The following SEC16A variants were observed in gnomAD, a reference collection of about 807,000 sequenced individuals.
SEC16A encodes protein transport protein Sec16A.
SEC16A carries 110 observed loss-of-function variants against 221.9 expected under a neutral mutation model. The observed-to-expected ratio is 0.50, with a 90% confidence interval of 0.42 to 0.58. SEC16A has a LOEUF of 0.58. Ranked by LOEUF, SEC16A falls within the 20% of genes least tolerant of loss-of-function variation. The pLI, the probability that SEC16A is intolerant of heterozygous loss-of-function variation, is 0.00. For synonymous variants in SEC16A, 1,393 were observed against 1,257.7 expected (o/e 1.11, Z -2.28); for missense variants, 3,165 against 3,097.8 (o/e 1.02, Z -0.52).
chr9:136,479,981 G>A lies in SEC16A; in HGVS notation c.-191-1151C>T, dbSNP rs942905483. Among the ~76,000 whole-genome samples, 18 of 150,758 alleles carry A rather than the reference G, an allele frequency of 1.2e-4. No individual in the cohort carries two copies. The East Asian group carries it at 2.0e-3, about 16-fold the overall frequency. ...CAAGCCACAACACTCCAGCCTGGGCGACAGAGTGAAACTGTCTCAAAAAAA... is the reference window on the plus strand; with the variant it reads ...CAAGCCACAACACTCCAGCCTGGGCAACAGAGTGAAACTGTCTCAAAAAAA... On this transcript the variant is annotated intron_variant, in intron 1 of 31. Transcript: ENST00000684901.
chr9:136,473,483 G>A (rs940416952), intron 3 of SEC16A, among the ~76,000 whole-genome samples: 15 of 152,254 alleles, frequency 9.9e-5, no homozygotes, highest in African/African-American at 1.7e-4. Flanking sequence ...TCTTCTGCAC[G>A]AGCACAGCCG....
chr9:136,466,002 A>G lies in SEC16A; in HGVS notation c.4263T>C (p.Tyr1421=), dbSNP rs1840097329. Reference sequence around the variant, plus strand: ...GCCAGACGGTGTCGGCAGGGTAGCCATACTCTGGGAAGCCGGGGCCACTGC... The same window carrying G: ...GCCAGACGGTGTCGGCAGGGTAGCCGTACTCTGGGAAGCCGGGGCCACTGC... ...NFSSGPGFPE[Y]GYPADTVWPA... The change falls in exon 8 of 32, where the codon TAT becomes TAC. Residue 1421 remains tyrosine (Y), a synonymous_variant. Coordinates refer to ENST00000684901, the MANE Select transcript of SEC16A (RefSeq NM_014866.2). The surrounding 1 kb of genome is among the most constrained non-coding windows in gnomAD (Gnocchi z 5.5). 2 of 1,613,562 alleles carry G rather than the reference A, an allele frequency of 1.2e-6. No homozygotes were observed. The highest frequency in any genetic ancestry group is 1.7e-6 in the Non-Finnish European group (2 of 1,179,878).
upstream of SEC16A, chr9:136,484,654 AG>A (rs1453538364): frequency 2.2e-6 from 3 of 1,365,698 alleles, no homozygotes; most frequent in African/African-American, 3.0e-5. Context: ...CTGGTGAGGG[AG>A]GGGGTGATAT....
intron 9 of SEC16A, 43 bp downstream of exon 9, chr9:136,464,375 CAG>C: frequency 6.4e-6 from 10 of 1,551,266 alleles, no homozygotes; most frequent in Non-Finnish European, 7.9e-6. Flanking sequence ...GAGAGTTCCC[CAG>C]GGCAGCAGAG....
chr9:136,476,775 C>G lies in SEC16A; in HGVS notation c.841G>C (p.Asp281His). The G allele has an allele frequency of 2.5e-6, 4 of 1,611,310 alleles. No homozygotes were observed. The highest frequency in any genetic ancestry group is 3.4e-6 in the Non-Finnish European group (4 of 1,178,112). The change falls in exon 3 of 32, where the codon GAC (aspartate) becomes CAC (histidine). Residue 281 changes from aspartate (D) to histidine (H), a missense_variant. By Grantham distance (81) the Asp-to-His change is moderately conservative. This residue lies in a region of SEC16A where 2,030 missense variants were observed against 1,923.1 expected (regional missense o/e 1.06). Transcript: ENST00000684901. ...CCACTTTGCAAGTGGCTCACCTCGT[C>G]TCTTCCGTCACTGGGCAAGGCTGCT... ...PPAALPSDGR[D>H]EVSHLQSGSH...
chr9:136,447,242 A>G lies in SEC16A; in HGVS notation c.6682T>C (p.Phe2228Leu), dbSNP rs761797624. The G allele has an allele frequency of 6.3e-7, 1 of 1,595,880 alleles. No homozygotes were observed. The highest frequency in any genetic ancestry group is 8.5e-7 in the Non-Finnish European group (1 of 1,172,074). ...LAPLPIPSNL[F>L]VPTPDAEEPQ... The stretch of plus-strand genomic sequence containing the variant: ...TGCTACCTACCTGGGGTTGGCACGA[A>G]CAAGTTAGAAGGAATTGGGAGTGGC... The change falls in exon 27 of 32, where the codon TTC (phenylalanine) becomes CTC (leucine). Residue 2228 changes from phenylalanine (F) to leucine (L), a missense_variant. Transcript: ENST00000684901. The surrounding 1 kb of genome is among the most constrained non-coding windows in gnomAD (Gnocchi z 5.5).
chr9:136,446,977 C>G, intron 27 of SEC16A, 28 bp from the exon 28 acceptor site: 1 of 1,613,416 alleles, frequency 6.2e-7, no homozygotes, highest in Non-Finnish European at 8.5e-7. Flanking sequence ...AGGAGGCCAT[C>G]ATTCCGTCCC....
chr9:136,441,920 A>C, intron 31 of SEC16A, 97 bp from the exon 32 acceptor site: 1 of 1,048,752 alleles, frequency 9.5e-7, no homozygotes, highest in South Asian at 1.3e-5. Flanking sequence ...ATAATGAACC[A>C]CACGGGCCAT....
At position 136,476,532 on chromosome 9, in the gene SEC16A, G is replaced by T; in HGVS notation, c.1084C>A (p.Leu362Ile). 6.2e-7 allele frequency: 1 copy of T among 1,612,590 alleles called. No homozygotes were observed. Among genetic ancestry groups the T allele is most frequent in the South Asian group, 1.1e-5 (1 of 91,038 alleles). The change falls in exon 3 of 32, where the codon CTA becomes ATA. Residue 362 changes from leucine to isoleucine, a missense_variant. Physicochemically the swap from Leu to Ile is conservative, Grantham distance 5 (BLOSUM62 2). Coordinates refer to ENST00000684901, the MANE Select transcript of SEC16A (RefSeq NM_014866.2). ...GAGAGSGCAP[L>I]EADSGASGAL... Reference sequence around the variant, plus strand: ...CCTGAAGCTCCTGAGTCTGCTTCTAGCGGGGCACAGCCAGACCCGGCCCCA... The same window carrying T: ...CCTGAAGCTCCTGAGTCTGCTTCTATCGGGGCACAGCCAGACCCGGCCCCA...
intron 4 of SEC16A, 26 bp downstream of exon 4, chr9:136,471,949 G>C: frequency 6.2e-7 from 1 of 1,609,066 alleles, no homozygotes; most frequent in Non-Finnish European, 8.5e-7. Context: ...AGGACAGAGA[G>C]GCAGCCAGGG....
At chr9:136,449,189 C>G (rs1837446777) in intron 23 of SEC16A, among the ~76,000 whole-genome samples, 1 of 152,212 alleles carries the variant, frequency 6.6e-6, no homozygotes, top group Non-Finnish European at 1.5e-5. Context: ...CTGTGTTTCC[C>G]ATGTGTGGAG....
chr9:136,477,308 G>C lies in SEC16A; in HGVS notation c.308C>G (p.Ser103Cys), dbSNP rs1305503325. 6.2e-7 allele frequency: 1 copy of C among 1,613,780 alleles called. No individual in the cohort carries two copies. Among genetic ancestry groups the C allele is most frequent in the Non-Finnish European group, 8.5e-7 (1 of 1,179,756 alleles). Reference sequence around the variant, plus strand: ...AGGCAGGGGCTCACAGGGTCCCTGAGAGCTATCTCTGGCATGTGTGTGAGG... The same window carrying C: ...AGGCAGGGGCTCACAGGGTCCCTGACAGCTATCTCTGGCATGTGTGTGAGG... ...LVPHTHARDS[S>C]QGPCEPLPGP... The change falls in exon 3 of 32, where the codon TCT (serine) becomes TGT (cysteine). Residue 103 changes from serine to cysteine, a missense_variant. Physicochemically the swap from Ser to Cys is moderately radical, Grantham distance 112 (BLOSUM62 -1). Transcript: ENST00000684901.
intron 4 of SEC16A, among the ~76,000 whole-genome samples, chr9:136,469,616 T>C (rs1392808520): frequency 6.6e-6 from 1 of 152,216 alleles, no homozygotes; most frequent in Non-Finnish European, 1.5e-5. Flanking sequence ...CAGTGAGCTA[T>C]GACGGCACCA....
At chr9:136,457,653 T>C (rs1456423380) in intron 17 of SEC16A, 69 bp from the exon 18 acceptor site, 3 of 1,529,564 alleles carry the variant, frequency 2.0e-6, no homozygotes, top group African/African-American at 1.4e-5. Flanking sequence ...GACAAAGCCT[T>C]GTACTGCCCT....
Position 136,445,044 on chromosome 9 carries a change from G to A in SEC16A, c.6927+8C>T, listed in dbSNP as rs377719056. Reference sequence around the variant, plus strand: ...CTCATGTTAGTGAGGACCACCAGCCGCAGGTACCTGATTAAAATGCTGGCT... The same window carrying A: ...CTCATGTTAGTGAGGACCACCAGCCACAGGTACCTGATTAAAATGCTGGCT... On this transcript the variant is annotated splice_region_variant and intron_variant, in intron 30 of 31. Coordinates refer to ENST00000684901, the MANE Select transcript of SEC16A (RefSeq NM_014866.2). 28 of 1,602,936 alleles carry A rather than the reference G, an allele frequency of 1.7e-5. No homozygotes were observed. Among genetic ancestry groups the A allele is most frequent in the South Asian group, 1.6e-4 (14 of 88,750 alleles).
At chr9:136,470,338 C>T (rs56405829) in intron 4 of SEC16A, among the ~76,000 whole-genome samples, 1 of 152,222 alleles carries the variant, frequency 6.6e-6, no homozygotes, top group Non-Finnish European at 1.5e-5. Flanking sequence ...CCACTGGCCT[C>T]TCAGAATCGG....
chr9:136,443,766 G>C, intron 31 of SEC16A, 57 bp downstream of exon 31: 1 of 1,262,696 alleles, frequency 7.9e-7, no homozygotes, highest in Non-Finnish European at 1.2e-6. Context: ...TGAGCAGCAG[G>C]GTCAGGTCGT....
Position 136,461,171 on chromosome 9 carries a change from C to G in SEC16A, c.4991+6G>C. 1 of 1,597,466 alleles carries G rather than the reference C, an allele frequency of 6.3e-7. No homozygotes were observed. Among genetic ancestry groups the G allele is most frequent in the Non-Finnish European group, 8.5e-7 (1 of 1,171,600 alleles). On this transcript the variant is annotated splice_donor_region_variant and intron_variant, in intron 13 of 31. Coordinates refer to ENST00000684901, the MANE Select transcript of SEC16A (RefSeq NM_014866.2). Reference sequence around the variant, plus strand: ...GCCACTGGACCAGGCCACTGTGGGACTGTACCTGGTCATGACTCGGGCGTG... The same window carrying G: ...GCCACTGGACCAGGCCACTGTGGGAGTGTACCTGGTCATGACTCGGGCGTG...
In SEC16A at chr9:136,474,692, A is replaced by C. The variant is rs372112362; in HGVS notation, c.2924T>G (p.Val975Gly). The C allele has an allele frequency of 6.2e-7, 1 of 1,613,682 alleles. No individual in the cohort carries two copies. The highest frequency in any genetic ancestry group is 8.5e-7 in the Non-Finnish European group (1 of 1,179,900). Residue 975 changes from valine to glycine, a missense_variant, in exon 3 of 32, where the codon GTG becomes GGG. Coordinates refer to ENST00000684901, the MANE Select transcript of SEC16A (RefSeq NM_014866.2). ...ATGGTTTGCCTTATTACCATCAGGC[A>C]CCAGGGTGCCGTGTGCAGGTGGAAC... Reference protein sequence around the residue: ...VLVPPAHGTLVPDGNKANHSS... With the variant: ...VLVPPAHGTLGPDGNKANHSS...
Sources: gnomAD v4.1 joint callset for allele counts (sites outside exome capture counted in the v4.1 genomes callset) on GRCh38, gnomAD v4.1.1 for gene constraint, gnomAD v4.1.1 regional missense constraint, Gnocchi (gnomAD v3.1) non-coding constraint, MANE v1.5 for transcripts, NCBI Gene and HGNC (gene_info 2026-07-23, HGNC 2026-07-21) for gene names.